The following PLEKHG4B variants were observed in gnomAD, a reference collection of about 807,000 sequenced individuals.
The protein encoded by PLEKHG4B is pleckstrin homology and RhoGEF domain containing G4B, also known as pleckstrin homology domain-containing family G member 4B.
PLEKHG4B carries 111 observed loss-of-function variants against 121.3 expected under a neutral mutation model. The ratio of observed to expected loss-of-function variants is 0.92; its 90% CI spans 0.78 to 1.07. The LOEUF (loss-of-function observed/expected upper bound fraction) is 1.07, where lower values mean the gene tolerates loss of function less well. PLEKHG4B is among the 50% of genes least tolerant of loss of function. The probability of loss-of-function intolerance (pLI) is 0.00; values close to 1 mark genes in which losing one functional copy is unlikely to be tolerated. For synonymous variants in PLEKHG4B, 738 were observed against 725.0 expected (o/e 1.02, Z -0.29); for missense variants, 1,831 against 1,757.8 (o/e 1.04, Z -0.74).
intron 14 of PLEKHG4B, 25 bp from the exon 15 acceptor site, chr5:171,018 C>A: frequency 6.3e-7 from 1 of 1,586,912 alleles, no homozygotes; most frequent in Non-Finnish European, 8.6e-7. Context: ...CTCCCACAGC[C>A]AAGCAGTCGC....
Position 140,362 on chromosome 5 carries a change from G to A in PLEKHG4B, c.1123G>A (p.Asp375Asn), listed in dbSNP as rs773764421. The A allele has an allele frequency of 6.4e-6, 10 of 1,551,990 alleles. No individual in the cohort carries two copies. Among genetic ancestry groups the A allele is most frequent in the Middle Eastern group, 1.7e-4 (1 of 5,796 alleles). The change falls in exon 3 of 20, where the codon GAC becomes AAC. Residue 375 changes from aspartate to asparagine, a missense_variant. Coordinates refer to ENST00000637938, the MANE Select transcript of PLEKHG4B (RefSeq NM_052909.5). ...PLGSSEEALGDLACSSLTGAS... is the reference protein window; with the variant it reads ...PLGSSEEALGNLACSSLTGAS... ...GGGCAGCTCTGAGGAGGCCCTCGGG[G>A]ACCTGGCCTGCAGCTCCCTGACTGG... is the stretch of plus-strand genomic sequence containing the variant.
chr5:146,552 T>C, intron 6 of PLEKHG4B, among the ~76,000 whole-genome samples: 2 of 97,718 alleles, frequency 2.0e-5, no homozygotes, highest in African/African-American at 4.1e-5. Flanking sequence ...CCTAAAGTCC[T>C]CCCTCCTCTT....
chr5:146,089 GAGTCCTCCCTCCTCTCCCTACTTGC>G (rs1289023553), intron 6 of PLEKHG4B, among the ~76,000 whole-genome samples: 4 of 132,694 alleles, frequency 3.0e-5, no homozygotes, highest in Admixed American at 7.5e-5. Context: ...TCCCCACTTG[GAGTCCTCCCTCCTCTCCCTACTTGC>G]AGTCCTCCCT....
At chr5:172,367 G>A (rs1736587159) in intron 16 of PLEKHG4B, among the ~76,000 whole-genome samples, 1 of 152,212 alleles carries the variant, frequency 6.6e-6, no homozygotes, top group Non-Finnish European at 1.5e-5. Flanking sequence ...TCCATCTCTG[G>A]GGGCTGCTGT....
At chr5:121,787 C>T (rs1047402741) in intron 2 of PLEKHG4B, among the ~76,000 whole-genome samples, 3 of 151,636 alleles carry the variant, frequency 2.0e-5, no homozygotes, top group African/African-American at 7.3e-5. Flanking sequence ...AACATGAAGG[C>T]AAAATAATGA....
In PLEKHG4B at chr5:157,040, T is replaced by C; in HGVS notation, c.2487+129T>C. Reference sequence around the variant, plus strand: ...GATTTCCATTTGGAATGAAATTATGTCAGGATAGGGCATGCCTTGCTGCTT... The same window carrying C: ...GATTTCCATTTGGAATGAAATTATGCCAGGATAGGGCATGCCTTGCTGCTT... On this transcript the variant is annotated intron_variant, in intron 11 of 19. Transcript: ENST00000637938. This position sits in a 1 kb window ranked among gnomAD's most constrained non-coding sequence, Gnocchi z 4.6. 1 of 1,278,912 alleles carries C rather than the reference T, an allele frequency of 7.8e-7. No homozygotes were observed. The allele number at this position is 1,278,912 out of a possible 1,614,324, so 79.2% of individuals were successfully genotyped here.
chr5:156,636 T>C lies in PLEKHG4B; in HGVS notation c.2349-137T>C. 8.4e-7 allele frequency: 1 copy of C among 1,193,316 alleles called. No individual in the cohort carries two copies. Among genetic ancestry groups the C allele is most frequent in the Non-Finnish European group, 1.2e-6 (1 of 864,904 alleles). The allele number at this position is 1,193,316 out of a possible 1,614,324, so 73.9% of individuals were successfully genotyped here. A position where few individuals can be genotyped will look rare whatever the true frequency, so the allele number is the denominator to read the frequency against. On this transcript the variant is annotated intron_variant, in intron 10 of 19. Coordinates refer to ENST00000637938, the MANE Select transcript of PLEKHG4B (RefSeq NM_052909.5). The surrounding 1 kb of genome is among the most constrained non-coding windows in gnomAD (Gnocchi z 4.4). The stretch of plus-strand genomic sequence containing the variant: ...GCACATCTGTGCCCCGCCTCGGTTG[T>C]GGGCCTCCTCCTGGGGCTCCCGTTG...
At chr5:128,792 A>T (rs1355941821) in intron 2 of PLEKHG4B, among the ~76,000 whole-genome samples, 2 of 152,322 alleles carry the variant, frequency 1.3e-5, no homozygotes, top group South Asian at 2.1e-4. Context: ...TGGGATAACC[A>T]TAAAGGGTGT....
chr5:181,368 G>C, intron 18 of PLEKHG4B, 146 bp from the exon 19 acceptor site: 1 of 779,114 alleles, frequency 1.3e-6, no homozygotes, highest in Non-Finnish European at 2.0e-6. Flanking sequence ...CAGCACCCTG[G>C]CCCCCCATGC....
chr5:123,904 G>GT (rs1207933817), intron 2 of PLEKHG4B, among the ~76,000 whole-genome samples: 2 of 151,604 alleles, frequency 1.3e-5, no homozygotes, highest in African/African-American at 4.8e-5. Flanking sequence ...TTTGGGTTTA[G>GT]TTTTTTTCTT....
rs1733456589 is a variant in PLEKHG4B at position 182,677 on chromosome 5, GGAGGT to G, written c.*358_*362del. 2 of 269,242 alleles carry G rather than the reference GGAGGT, an allele frequency of 7.4e-6. No homozygotes were observed. The highest frequency in any genetic ancestry group is 9.7e-5 in the Admixed American group (2 of 20,690). 16.7% of individuals were successfully genotyped at this position (269,242 alleles called of 1,614,324 possible). The stretch of plus-strand genomic sequence containing the variant: ...GCGATCCCTGAGAGACAGGAAAACG[GGAGGT>G]GAGCCCGGTGATGGCCTCAGACCTC... On this transcript the variant is annotated 3_prime_UTR_variant, in exon 20 of 20. Transcript: ENST00000637938.
intron 11 of PLEKHG4B, among the ~76,000 whole-genome samples, chr5:161,383 A>G (rs1410036678): frequency 6.6e-6 from 1 of 152,242 alleles, no homozygotes; most frequent in East Asian, 1.9e-4. Flanking sequence ...CAATGAAAAT[A>G]GTTTGGAGCT....
At position 144,827 on chromosome 5, in the gene PLEKHG4B, G is replaced by C; in HGVS notation, c.1812G>C (p.Arg604Ser). The change falls in exon 6 of 20, where the codon AGG becomes AGC. Residue 604 changes from arginine to serine, a missense_variant and splice_region_variant. Physicochemically the swap from Arg to Ser is moderately radical, Grantham distance 110. Transcript: ENST00000637938. ...AGATGGGCTGTCTTTCCCTCCCCAG[G>C]AAAGAGGTCCGGGACCTGGGGCTGG... ...RLLLYFHSIP[R>S]KEVRDLGLVV... The C allele has an allele frequency of 6.2e-7, 1 of 1,612,870 alleles. No homozygotes were observed. The highest frequency in any genetic ancestry group is 8.5e-7 in the Non-Finnish European group (1 of 1,179,536).
At chr5:99,291 A>G (rs1178953311) in intron 1 of PLEKHG4B, among the ~76,000 whole-genome samples, 1 of 147,166 alleles carries the variant, frequency 6.8e-6, no homozygotes, top group Non-Finnish European at 1.5e-5. Flanking sequence ...AGACCGTTGC[A>G]GTTTTGATAG....
At chr5:118,172 C>T (rs1002621268) in intron 2 of PLEKHG4B, among the ~76,000 whole-genome samples, 7 of 152,080 alleles carry the variant, frequency 4.6e-5, no homozygotes, top group African/African-American at 1.7e-4. Context: ...AATAATAATA[C>T]TAGTAACAAA....
At chr5:135,682 AATATATATATATATATATATAT>A (rs70955207) in intron 2 of PLEKHG4B, among the ~76,000 whole-genome samples, 2 of 19,608 alleles carry the variant, frequency 1.0e-4, no homozygotes, top group Non-Finnish European at 2.1e-4. Flanking sequence ...AAAAAAAAAA[AATATATATATATATATATATAT>A]ATATATATAT....
intron 2 of PLEKHG4B, among the ~76,000 whole-genome samples, chr5:129,452 G>A (rs183485178): frequency 3.9e-5 from 6 of 152,290 alleles, no homozygotes; most frequent in South Asian, 4.1e-4. Flanking sequence ...CTTTCTGGGC[G>A]AATCCAGTAT....
chr5:184,026 T>TAGATAGATAGAC lies in PLEKHG4B; in HGVS notation c.*1706_*1707insTAGATAGACAGA, dbSNP rs1560962174. 1.3e-5 allele frequency: 2 copies of TAGATAGATAGAC among 151,270 alleles called. No individual in the cohort carries two copies. Among genetic ancestry groups the TAGATAGATAGAC allele is most frequent in the African/African-American group, 4.9e-5 (2 of 41,190 alleles). The allele number at this position is 151,270 out of a possible 1,614,324, so 9.4% of individuals were successfully genotyped here. On this transcript the variant is annotated 3_prime_UTR_variant, in exon 20 of 20. Transcript: ENST00000637938. Reference sequence around the variant, plus strand: ...ATAGATAGATAGATAGATAGATAGATAGACTGACAGACAGATGAGAGGGGC... The same window carrying TAGATAGATAGAC: ...ATAGATAGATAGATAGATAGATAGATAGATAGATAGACAGACTGACAGACAGATGAGAGGGGC...
chr5:143,182 TC>T lies in PLEKHG4B; in HGVS notation c.1617del (p.Ser540AlafsTer53), dbSNP rs767790234. On this transcript the variant is annotated frameshift_variant, in exon 4 of 20. Coordinates refer to ENST00000637938, the MANE Select transcript of PLEKHG4B (RefSeq NM_052909.5). LOFTEE classifies it high-confidence loss of function. The stretch of plus-strand genomic sequence containing the variant: ...GGGTGGCCACCCGGCACAGGAGACT[TC>T]CCCAGCCAGGTGCCCAAGCAGGTGC... ...QEGWPPGTGD[F>X]PSQVPKQVLD... 7 of 1,611,768 alleles carry T rather than the reference TC, an allele frequency of 4.3e-6. No homozygotes were observed. Among genetic ancestry groups the T allele is most frequent in the Admixed American group, 1.7e-5 (1 of 60,012 alleles).
Sources: gnomAD v4.1 joint callset for allele counts (sites outside exome capture counted in the v4.1 genomes callset) on GRCh38, gnomAD v4.1.1 for gene constraint, Gnocchi (gnomAD v3.1) non-coding constraint, MANE v1.5 for transcripts, NCBI Gene and HGNC (gene_info 2026-07-23, HGNC 2026-07-21) for gene names.